Variants in ACACB observed in about 807,000 individuals in gnomAD.
ACACB encodes acetyl-CoA carboxylase 2.
Under a neutral mutation model 278.8 loss-of-function variants are expected in ACACB, and 209 were observed. The observed-to-expected ratio is 0.75, with a 90% CI of 0.67 to 0.84. The LOEUF (loss-of-function observed/expected upper bound fraction) is 0.84, where lower values mean the gene tolerates loss of function less well. Ranked by LOEUF, ACACB falls within the 40% of genes least tolerant of loss-of-function variation. ACACB has a pLI of 0.00. For synonymous variants in ACACB, 1,174 were observed against 1,285.6 expected (o/e 0.91, Z 1.86); for missense variants, 2,850 against 3,269.0 (o/e 0.87, Z 3.13).
chr12:109,232,840 G>T (rs754638380), intron 29 of ACACB, 34 bp downstream of exon 29: 18 of 1,612,540 alleles, frequency 1.1e-5, no homozygotes, highest in Non-Finnish European at 1.5e-5. Context: ...AACACCCTGA[G>T]CATGGGGGCT....
chr12:109,114,523 T>C (rs2042366423), upstream of ACACB, among the ~76,000 whole-genome samples: 1 of 152,026 alleles, frequency 6.6e-6, no homozygotes, highest in South Asian at 2.1e-4. Flanking sequence ...CCAGGTGCCT[T>C]GTTTTGTTAG....
intron 1 of ACACB, among the ~76,000 whole-genome samples, chr12:109,134,722 G>C (rs2042927478): frequency 6.6e-6 from 1 of 152,296 alleles, no homozygotes; most frequent in African/African-American, 2.4e-5. Flanking sequence ...GTTGAGACCA[G>C]AGATTCACAA....
chr12:109,186,847 T>C (rs866036606), intron 12 of ACACB, among the ~76,000 whole-genome samples: 10 of 152,116 alleles, frequency 6.6e-5, no homozygotes, highest in South Asian at 2.1e-4. Context: ...GAGGACCAGG[T>C]ATGGTAACAG....
rs138651822 is a variant in ACACB at position 109,229,088 on chromosome 12, G to A, written c.4001+1599G>A. Reference sequence around the variant, plus strand: ...CTCCCGAGTAGCTGGGACTACAGGCGCACACCACCATGCTCGGCTAATTTT... The same window carrying A: ...CTCCCGAGTAGCTGGGACTACAGGCACACACCACCATGCTCGGCTAATTTT... On this transcript the variant is annotated intron_variant, in intron 28 of 52. Coordinates refer to ENST00000338432, the MANE Select transcript of ACACB (RefSeq NM_001093.4). Among the ~76,000 whole-genome samples the A allele has an allele frequency of 3.7e-3, 563 of 151,558 alleles. 1 individual carries two copies. The highest frequency in any genetic ancestry group is 0.013 in the African/African-American group (548 of 41,318).
Position 109,254,287 on chromosome 12 carries a change from G to C in ACACB, c.6119G>C (p.Arg2040Thr). Residue 2040 changes from arginine (R) to threonine (T), a missense_variant, in exon 44 of 53, where the codon AGA becomes ACA. Coordinates refer to ENST00000338432, the MANE Select transcript of ACACB (RefSeq NM_001093.4). Reference sequence around the variant, plus strand: ...AGAGAAATTGAATTCCTCCCATCCAGAGCTCCCTACGACCCCCGGTGGATG... The same window carrying C: ...AGAGAAATTGAATTCCTCCCATCCACAGCTCCCTACGACCCCCGGTGGATG... ...IDREIEFLPS[R>T]APYDPRWMLA... The C allele has an allele frequency of 6.2e-7, 1 of 1,612,214 alleles. No homozygotes were observed. The highest frequency in any genetic ancestry group is 1.7e-4 in the Middle Eastern group (1 of 6,060).
intron 21 of ACACB, among the ~76,000 whole-genome samples, chr12:109,210,208 T>TAC (rs2045723299): frequency 2.1e-5 from 1 of 48,440 alleles, no homozygotes; most frequent in African/African-American, 9.8e-5. Flanking sequence ...TGTATATATG[T>TAC]ATATATACAC....
At chr12:109,111,819 G>T (rs887396574), upstream of ACACB, among the ~76,000 whole-genome samples, 2 of 152,122 alleles carry the variant, frequency 1.3e-5, no homozygotes, top group African/African-American at 2.4e-5. Flanking sequence ...TCTTAAAAGG[G>T]CAGGGAGGGA....
At chr12:109,192,595 C>A (rs2044933102) in intron 15 of ACACB, among the ~76,000 whole-genome samples, 1 of 152,100 alleles carries the variant, frequency 6.6e-6, no homozygotes, top group Non-Finnish European at 1.5e-5. Flanking sequence ...AATAATCACC[C>A]CCAGTTGAGA....
At chr12:109,124,881 AT>A (rs1340891566) in intron 1 of ACACB, among the ~76,000 whole-genome samples, 1 of 152,034 alleles carries the variant, frequency 6.6e-6, no homozygotes, top group Non-Finnish European at 1.5e-5. Context: ...TGCCTGGCTA[AT>A]TTTATGTATT....
chr12:109,206,988 T>A (rs1269669289), intron 20 of ACACB, 132 bp downstream of exon 20: 1 of 1,132,844 alleles, frequency 8.8e-7, no homozygotes, highest in African/African-American at 1.6e-5. Flanking sequence ...ATTTTATTTA[T>A]TTTATTTTTT....
intron 1 of ACACB, among the ~76,000 whole-genome samples, chr12:109,117,993 G>A (rs999289142): frequency 1.3e-5 from 2 of 152,006 alleles, no homozygotes; most frequent in Admixed American, 6.6e-5. Flanking sequence ...CAAGTGATCC[G>A]CCCGCCTCGG....
In ACACB at chr12:109,258,228, G is replaced by A. The variant is rs189384329; in HGVS notation, c.6264-40G>A. The A allele has an allele frequency of 1.0e-3, 1,558 of 1,537,122 alleles. 4 individuals are homozygous for A. The highest frequency in any genetic ancestry group is 1.3e-3 in the Non-Finnish European group (1,403 of 1,120,800). The stretch of plus-strand genomic sequence containing the variant: ...CCAGAGGTCCCCAAATGCACCTGGG[G>A]TGCTGCCCAGGGCCTGGCTCACTGG... On this transcript the variant is annotated intron_variant, in intron 45 of 52. Coordinates refer to ENST00000338432, the MANE Select transcript of ACACB (RefSeq NM_001093.4).
Position 109,237,391 on chromosome 12 carries a change from G to A in ACACB, c.4662+11G>A, listed in dbSNP as rs1347296499. 5.6e-6 allele frequency: 9 copies of A among 1,609,216 alleles called. No individual in the cohort carries two copies. The highest frequency in any genetic ancestry group is 6.8e-6 in the Non-Finnish European group (8 of 1,177,472). ...GACCTGATCACAAAGGTAAGATGTC[G>A]CAGAGCATTTCTTCCTCTCTCAGAA... On this transcript the variant is annotated intron_variant, in intron 34 of 52. Coordinates refer to ENST00000338432, the MANE Select transcript of ACACB (RefSeq NM_001093.4).
intron 25 of ACACB, 21 bp from the exon 26 acceptor site, chr12:109,222,777 GC>G: frequency 6.3e-7 from 1 of 1,598,334 alleles, no homozygotes. Flanking sequence ...TCACGCCAGC[GC>G]CCCCATCCCT....
rs1565947051 is a variant in ACACB, at chr12:109,227,501, G to GAC, written c.4001+17_4001+18dup. On this transcript the variant is annotated intron_variant, in intron 28 of 52. Transcript: ENST00000338432. ...TCCCACCCAAACCGGTATGGAGTGG[G>GAC]ACACACCCAGGGACGGCCTGTGTTT... 1 of 1,610,716 alleles carries GAC rather than the reference G, an allele frequency of 6.2e-7. No individual in the cohort carries two copies. The highest frequency in any genetic ancestry group is 1.1e-5 in the South Asian group (1 of 90,924).
intron 1 of ACACB, among the ~76,000 whole-genome samples, chr12:109,122,877 A>G (rs572375451): frequency 4.0e-5 from 6 of 151,818 alleles, no homozygotes; most frequent in Non-Finnish European, 8.8e-5. Context: ...TTATTCCCCC[A>G]ACATTTTATT....
At position 109,176,900 on chromosome 12, in the gene ACACB, A is replaced by G. The variant is rs2044300678; in HGVS notation, c.1437+637A>G. ...CCAAAGTGCTGGGATTACAGGTGTG[A>G]TCCGCTGCGCCCTGCCTGATCAATT... is the stretch of plus-strand genomic sequence containing the variant. On this transcript the variant is annotated intron_variant, in intron 9 of 52. Coordinates refer to ENST00000338432, the MANE Select transcript of ACACB (RefSeq NM_001093.4). Among the ~76,000 whole-genome samples, 4 of 152,342 alleles carry G rather than the reference A, an allele frequency of 2.6e-5. 1 individual carries two copies. In the South Asian group the frequency reaches 8.3e-4, roughly 32 times the overall value.
chr12:109,168,858 T>A (rs1407212167), intron 4 of ACACB, among the ~76,000 whole-genome samples: 1 of 147,216 alleles, frequency 6.8e-6, no homozygotes, highest in African/African-American at 2.5e-5. Context: ...ATAACTCAGG[T>A]CCGAGCACAG....
At chr12:109,132,198 T>C (rs977040418) in intron 1 of ACACB, among the ~76,000 whole-genome samples, 2 of 151,834 alleles carry the variant, frequency 1.3e-5, no homozygotes, top group Admixed American at 1.3e-4. Flanking sequence ...GGAGTCTCAC[T>C]CTGTCACCCA....
Sources: gnomAD v4.1 joint callset for allele counts (sites outside exome capture counted in the v4.1 genomes callset) on GRCh38, gnomAD v4.1.1 for gene constraint, MANE v1.5 for transcripts, NCBI Gene and HGNC (gene_info 2026-07-23, HGNC 2026-07-21) for gene names.